The following CNOT4 variants were observed in gnomAD, a reference collection of about 807,000 sequenced individuals.
CNOT4 encodes the protein CCR4-NOT transcription complex subunit 4, also known as CCR4-associated factor 4.
CNOT4 carries 8 observed loss-of-function variants against 73.8 expected under a neutral mutation model. The observed-to-expected ratio is 0.11, with a 90% CI of 0.06 to 0.20. The LOEUF is 0.20. CNOT4 is among the 10% of genes least tolerant of loss of function. The pLI, the probability that CNOT4 is intolerant of heterozygous loss-of-function variation, is 1.00. For missense variants in CNOT4, 564 were observed against 883.4 expected (o/e 0.64, Z 4.58); for synonymous variants, 293 against 321.1 (o/e 0.91, Z 0.94).
At chr7:135,420,621 T>TAGTA (rs148254856) in intron 3 of CNOT4, among the ~76,000 whole-genome samples, 2,676 of 147,612 alleles carry the variant, frequency 0.018, 90 homozygotes, top group African/African-American at 0.063. Flanking sequence ...TCAGTAAGAT[T>TAGTA]AGTAGGTGTA....
intron 1 of CNOT4, among the ~76,000 whole-genome samples, chr7:135,464,880 T>C (rs1801122785): frequency 6.6e-6 from 1 of 152,106 alleles, no homozygotes. Flanking sequence ...GCTTTTAGTG[T>C]TTAGTAATGA....
chr7:135,425,668 A>G (rs1264196006), intron 2 of CNOT4, among the ~76,000 whole-genome samples: 2 of 152,222 alleles, frequency 1.3e-5, no homozygotes, highest in Admixed American at 6.5e-5. Flanking sequence ...ACCTTAAAAG[A>G]AGTTATAAAT....
At chr7:135,468,647 C>T (rs1424388669) in intron 1 of CNOT4, among the ~76,000 whole-genome samples, 1 of 149,258 alleles carries the variant, frequency 6.7e-6, no homozygotes, top group Non-Finnish European at 1.5e-5. Flanking sequence ...TGCCACTGCA[C>T]TCCACTCTAG....
chr7:135,380,258 A>G (rs190465157), intron 10 of CNOT4, among the ~76,000 whole-genome samples: 8 of 152,284 alleles, frequency 5.3e-5, no homozygotes, highest in East Asian at 1.9e-4. Context: ...TGCCATTACT[A>G]TAAGTTTTTT....
At chr7:135,376,081 G>A (rs1409430592) in intron 10 of CNOT4, among the ~76,000 whole-genome samples, 1 of 151,546 alleles carries the variant, frequency 6.6e-6, no homozygotes, top group Non-Finnish European at 1.5e-5. Flanking sequence ...GTGACGTGTA[G>A]GGGGGAAAAT....
chr7:135,488,813 C>G (rs2129487583), intron 1 of CNOT4, among the ~76,000 whole-genome samples: 1 of 152,134 alleles, frequency 6.6e-6, no homozygotes, highest in South Asian at 2.1e-4. Flanking sequence ...AAGATCAACT[C>G]TGATACTCAT....
chr7:135,384,138 A>G lies in CNOT4; in HGVS notation c.1627+9780T>C, dbSNP rs894906625. Among the ~76,000 whole-genome samples the G allele has an allele frequency of 1.2e-4, 18 of 152,012 alleles. 1 individual carries two copies. Among genetic ancestry groups the G allele is most frequent in the Non-Finnish European group, 2.9e-5 (2 of 67,992 alleles). ...TTTTAATCTCCTTTAAAAGGCTCCC[A>G]ATTCCACTCTTTCACCCCCATTTTC... is the stretch of plus-strand genomic sequence containing the variant. On this transcript the variant is annotated intron_variant, in intron 10 of 11. Transcript: ENST00000541284.
chr7:135,414,466 G>T, intron 4 of CNOT4, 34 bp from the exon 5 acceptor site: 1 of 935,500 alleles, frequency 1.1e-6, no homozygotes, highest in Non-Finnish European at 1.7e-6. Flanking sequence ...ACTGTTATTA[G>T]TTAAAAATTA....
In CNOT4 at chr7:135,438,147, G is replaced by C. The variant is rs2129485318; in HGVS notation, c.174+11C>G. On this transcript the variant is annotated intron_variant, in intron 2 of 11. Coordinates refer to ENST00000541284, the MANE Select transcript of CNOT4 (RefSeq NM_001190850.2). ...AAACAAATCACTGTGAAGTTATTTT[G>C]AAGTATTTACCTTTCTACATGCAGG... 6.9e-7 allele frequency: 1 copy of C among 1,457,776 alleles called. No individual in the cohort carries two copies. Among genetic ancestry groups the C allele is most frequent in the Non-Finnish European group, 9.6e-7 (1 of 1,043,372 alleles). 90.3% of individuals were successfully genotyped at this position (1,457,776 alleles called of 1,614,324 possible).
intron 10 of CNOT4, chr7:135,388,501 T>A: frequency 9.9e-7 from 1 of 1,014,032 alleles, no homozygotes; most frequent in Middle Eastern, 4.8e-4. Flanking sequence ...TAACAACAAT[T>A]CTAGCTAATC....
rs190436129 is a variant in CNOT4 at position 135,452,241 on chromosome 7, A to C, written c.-92-13818T>G. 7.0e-4 allele frequency among the ~76,000 whole-genome samples: 106 copies of C among 152,242 alleles called. 1 individual carries two copies. The highest frequency in any genetic ancestry group is 1.9e-3 in the South Asian group (9 of 4,826). ...GTGACAGAGTAAGAACCTGTCTCTAAAAGAGGAATAGTAATAAAAGAGTGT... is the reference window on the plus strand; with the variant it reads ...GTGACAGAGTAAGAACCTGTCTCTACAAGAGGAATAGTAATAAAAGAGTGT... On this transcript the variant is annotated intron_variant, in intron 1 of 11. Coordinates refer to ENST00000541284, the MANE Select transcript of CNOT4 (RefSeq NM_001190850.2).
rs1237935060 is a variant in CNOT4, at chr7:135,362,059, T to C, written c.*826A>G. 6.5e-6 allele frequency: 1 copy of C among 152,696 alleles called. No individual in the cohort carries two copies. Among genetic ancestry groups the C allele is most frequent in the Non-Finnish European group, 1.5e-5 (1 of 68,146 alleles). The allele number at this position is 152,696 out of a possible 1,614,324, so 9.5% of individuals were successfully genotyped here. On this transcript the variant is annotated 3_prime_UTR_variant, in exon 12 of 12. Coordinates refer to ENST00000541284, the MANE Select transcript of CNOT4 (RefSeq NM_001190850.2). ...AGAGTGCCCTCGTCAGGTGAATTTA[T>C]GGTAAAACAAAAAAGATTCCGACAG...
intron 7 of CNOT4, among the ~76,000 whole-genome samples, chr7:135,404,007 C>T (rs972389086): frequency 1.3e-5 from 2 of 152,200 alleles, no homozygotes; most frequent in Non-Finnish European, 2.9e-5. Flanking sequence ...TAACCCCACA[C>T]TCATCCCACC....
intron 7 of CNOT4, among the ~76,000 whole-genome samples, chr7:135,399,384 G>A (rs924627818): frequency 1.3e-5 from 2 of 151,930 alleles, no homozygotes; most frequent in Admixed American, 1.3e-4. Context: ...GTAACATAAG[G>A]GTAAGCATTT....
At chr7:135,376,143 C>T (rs182588947) in intron 10 of CNOT4, among the ~76,000 whole-genome samples, 1 of 152,160 alleles carries the variant, frequency 6.6e-6, no homozygotes, top group East Asian at 1.9e-4. Flanking sequence ...TGAATTATAA[C>T]TCATATGCAA....
rs948197257 is a variant in CNOT4, at chr7:135,371,093, A to G, written c.1628-7027T>C. Among the ~76,000 whole-genome samples the G allele has an allele frequency of 2.0e-5, 3 of 152,220 alleles. No homozygotes were observed. The South Asian group carries it at 6.2e-4, about 32-fold the overall frequency. On this transcript the variant is annotated intron_variant, in intron 10 of 11. Transcript: ENST00000541284. Reference sequence around the variant, plus strand: ...ACTCACTATGCACTTTATGTACTCAATTACTTTAGTATCAACAATCCAATG... The same window carrying G: ...ACTCACTATGCACTTTATGTACTCAGTTACTTTAGTATCAACAATCCAATG...
chr7:135,482,677 CCT>C (rs1802459377), intron 1 of CNOT4, among the ~76,000 whole-genome samples: 1 of 151,220 alleles, frequency 6.6e-6, no homozygotes, highest in Non-Finnish European at 1.5e-5. Context: ...CAGACCAATA[CCT>C]CTCATAAAAG....
chr7:135,424,501 G>C (rs1798379799), intron 2 of CNOT4, among the ~76,000 whole-genome samples: 1 of 152,044 alleles, frequency 6.6e-6, no homozygotes, highest in Non-Finnish European at 1.5e-5. Context: ...AAGTTCATTT[G>C]AGGCCAGGCG....
intron 1 of CNOT4, among the ~76,000 whole-genome samples, chr7:135,464,037 A>AAAAAAC (rs1351031103): frequency 2.6e-5 from 4 of 151,826 alleles, no homozygotes; most frequent in Middle Eastern, 3.4e-3. Context: ...AAAAAAAAAA[A>AAAAAAC]AAACAGATGG....
Sources: gnomAD v4.1 joint callset for allele counts (sites outside exome capture counted in the v4.1 genomes callset) on GRCh38, gnomAD v4.1.1 for gene constraint, MANE v1.5 for transcripts, NCBI Gene and HGNC (gene_info 2026-07-23, HGNC 2026-07-21) for gene names.